The following GPC6 variants were observed in gnomAD, a reference collection of about 807,000 sequenced individuals.
GPC6 encodes the protein glypican-6.
Under a neutral mutation model 55.2 loss-of-function variants are expected in GPC6, and 14 were observed. That is an observed-to-expected ratio of 0.25 (90% CI 0.17 to 0.40). GPC6 has a LOEUF of 0.40. Ranked by LOEUF, GPC6 falls within the 10% of genes least tolerant of loss-of-function variation. The pLI, the probability that GPC6 is intolerant of heterozygous loss-of-function variation, is 1.00. For missense variants in GPC6, 641 were observed against 708.5 expected (o/e 0.90, Z 1.08); for synonymous variants, 278 against 259.6 (o/e 1.07, Z -0.68).
At chr13:93,767,706 A>G (rs1299316528) in intron 2 of GPC6, among the ~76,000 whole-genome samples, 1 of 152,166 alleles carries the variant, frequency 6.6e-6, no homozygotes, top group African/African-American at 2.4e-5. Flanking sequence ...ACCGATTACC[A>G]TCAAAGAAGG....
At chr13:93,833,765 C>A (rs60257121) in intron 3 of GPC6, among the ~76,000 whole-genome samples, 7,831 of 152,160 alleles carry the variant, frequency 0.051, 429 homozygotes, top group East Asian at 0.17. Context: ...AAATGGAGGT[C>A]TAAATTGTAA....
intron 2 of GPC6, among the ~76,000 whole-genome samples, chr13:93,717,291 A>T (rs1883284683): frequency 6.6e-6 from 1 of 151,716 alleles, no homozygotes; most frequent in Non-Finnish European, 1.5e-5. Flanking sequence ...AAGCATATTT[A>T]TTTGGTTTTT....
chr13:93,514,234 A>G (rs1213236721), intron 1 of GPC6, among the ~76,000 whole-genome samples: 1 of 152,072 alleles, frequency 6.6e-6, no homozygotes, highest in Non-Finnish European at 1.5e-5. Flanking sequence ...GGTTGGCTGA[A>G]CAGACGTCTG....
At chr13:93,550,290 G>C (rs1432104392) in intron 2 of GPC6, among the ~76,000 whole-genome samples, 1 of 152,026 alleles carries the variant, frequency 6.6e-6, no homozygotes, top group Non-Finnish European at 1.5e-5. Context: ...ATTTTGTTTA[G>C]GTTCTTTTTC....
At chr13:94,051,410 C>G (rs1460348904) in intron 4 of GPC6, among the ~76,000 whole-genome samples, 1 of 152,144 alleles carries the variant, frequency 6.6e-6, no homozygotes, top group African/African-American at 2.4e-5. Context: ...GCTTGGCAGG[C>G]TGTTTTGCAT....
At chr13:93,231,380 C>CATATAT (rs1204996148) in intron 1 of GPC6, among the ~76,000 whole-genome samples, 10 of 30,924 alleles carry the variant, frequency 3.2e-4, no homozygotes, top group South Asian at 1.1e-3. Context: ...TATATATATA[C>CATATAT]ATATATATAT....
At chr13:94,057,065 A>T (rs1884157093) in intron 4 of GPC6, among the ~76,000 whole-genome samples, 1 of 152,208 alleles carries the variant, frequency 6.6e-6, no homozygotes, top group African/African-American at 2.4e-5. Flanking sequence ...AGGGTTTTTT[A>T]AAATCTATTC....
At chr13:94,065,880 G>A (rs1000711638) in intron 4 of GPC6, among the ~76,000 whole-genome samples, 5 of 152,222 alleles carry the variant, frequency 3.3e-5, no homozygotes, top group African/African-American at 1.2e-4. Context: ...GAGCTAGGCT[G>A]AGTATCCTTC....
chr13:93,977,892 TG>T (rs1293020367), intron 3 of GPC6, among the ~76,000 whole-genome samples: 10 of 152,188 alleles, frequency 6.6e-5, no homozygotes, highest in Non-Finnish European at 1.3e-4. Flanking sequence ...GCTTTCTCCC[TG>T]GGTAATTAGT....
chr13:94,190,292 C>T (rs1421554834), intron 4 of GPC6, among the ~76,000 whole-genome samples: 6 of 148,780 alleles, frequency 4.0e-5, no homozygotes, highest in Non-Finnish European at 8.9e-5. Flanking sequence ...CGCACTCCAG[C>T]CAGAGAGCAA....
At chr13:94,313,320 A>C (rs1876355840) in intron 6 of GPC6, among the ~76,000 whole-genome samples, 1 of 152,208 alleles carries the variant, frequency 6.6e-6, no homozygotes, top group African/African-American at 2.4e-5. Flanking sequence ...GCACGAATCT[A>C]ATTCAATGGT....
At chr13:94,214,706 T>C (rs1288361332) in intron 4 of GPC6, among the ~76,000 whole-genome samples, 1 of 152,198 alleles carries the variant, frequency 6.6e-6, no homozygotes, top group Non-Finnish European at 1.5e-5. Flanking sequence ...AATTTATCAA[T>C]AGTTGAATAT....
At chr13:93,500,412 C>G (rs987901727) in intron 1 of GPC6, among the ~76,000 whole-genome samples, 1 of 152,138 alleles carries the variant, frequency 6.6e-6, no homozygotes, top group Non-Finnish European at 1.5e-5. Context: ...ATTTGAGGAA[C>G]AGTTGGAGCC....
rs1881227799 is a variant in GPC6, at chr13:94,403,232, T to G, written c.*15T>G. 9 of 1,591,696 alleles carry G rather than the reference T, an allele frequency of 5.7e-6. No individual in the cohort carries two copies. The highest frequency in any genetic ancestry group is 6.9e-6 in the Non-Finnish European group (8 of 1,160,384). On this transcript the variant is annotated 3_prime_UTR_variant, in exon 9 of 9. Transcript: ENST00000377047. ...TGTGCAGATAATCTTGGGTTTTTGG[T>G]CAGATGAAACTGCATTTTAGCTATC...
intron 4 of GPC6, among the ~76,000 whole-genome samples, chr13:94,193,248 C>T (rs1327629609): frequency 6.6e-6 from 1 of 152,096 alleles, no homozygotes; most frequent in Non-Finnish European, 1.5e-5. Flanking sequence ...ACCGGAATGC[C>T]ACCCAGGAGG....
intron 1 of GPC6, among the ~76,000 whole-genome samples, chr13:93,501,248 T>C (rs1880509228): frequency 6.6e-6 from 1 of 152,016 alleles, no homozygotes; most frequent in Admixed American, 6.6e-5. Flanking sequence ...ATCTCACACT[T>C]CTGGGTACCA....
At chr13:94,237,025 T>C (rs1416946810) in intron 4 of GPC6, among the ~76,000 whole-genome samples, 1 of 152,066 alleles carries the variant, frequency 6.6e-6, no homozygotes, top group East Asian at 1.9e-4. Flanking sequence ...CAAGTCATAT[T>C]GCTCCAAGAG....
At chr13:94,380,774 A>G (rs1190968856) in intron 6 of GPC6, among the ~76,000 whole-genome samples, 2 of 152,220 alleles carry the variant, frequency 1.3e-5, no homozygotes, top group African/African-American at 2.4e-5. Context: ...CCACTATCAC[A>G]ATAATGTCTT....
At chr13:93,835,407 A>T (rs932100839) in intron 3 of GPC6, among the ~76,000 whole-genome samples, 19 of 152,278 alleles carry the variant, frequency 1.2e-4, no homozygotes, top group African/African-American at 4.6e-4. Flanking sequence ...GTGAGCCGAG[A>T]TCGTGCCACT....
Sources: gnomAD v4.1 joint callset for allele counts (sites outside exome capture counted in the v4.1 genomes callset) on GRCh38, gnomAD v4.1.1 for gene constraint, MANE v1.5 for transcripts, NCBI Gene and HGNC (gene_info 2026-07-23, HGNC 2026-07-21) for gene names.